HDAC9: variants seen among roughly 807,000 people sequenced by gnomAD.
HDAC9 encodes the protein histone deacetylase 9.
Under a neutral mutation model 139.4 loss-of-function variants are expected in HDAC9, and 41 were observed. The observed-to-expected ratio is 0.29, with a 90% CI of 0.23 to 0.38. The LOEUF (loss-of-function observed/expected upper bound fraction) is 0.38, where lower values mean the gene tolerates loss of function less well. HDAC9 is among the 10% of genes least tolerant of loss of function. The probability of loss-of-function intolerance (pLI) is 1.00; values close to 1 mark genes in which losing one functional copy is unlikely to be tolerated. For missense variants in HDAC9, 1,147 were observed against 1,297.0 expected (o/e 0.88, Z 1.78); for synonymous variants, 517 against 476.2 (o/e 1.09, Z -1.12).
intron 24 of HDAC9, among the ~76,000 whole-genome samples, chr7:18,965,697 G>A (rs1321477317): frequency 6.6e-6 from 1 of 152,158 alleles, no homozygotes; most frequent in Non-Finnish European, 1.5e-5. Flanking sequence ...GAGCTGCGAG[G>A]GAGCAGAGAA....
At chr7:18,487,999 A>G (rs1796096240) in intron 1 of HDAC9, among the ~76,000 whole-genome samples, 1 of 152,110 alleles carries the variant, frequency 6.6e-6, no homozygotes, top group African/African-American at 2.4e-5. Context: ...AAGTTGATAA[A>G]TATTAAATGT....
At chr7:18,200,375 A>G (rs1791030196) in intron 2 of HDAC9, among the ~76,000 whole-genome samples, 1 of 152,196 alleles carries the variant, frequency 6.6e-6, no homozygotes, top group Admixed American at 6.5e-5. Context: ...TTTTTTCAAT[A>G]TTCTATGAGT....
chr7:18,332,856 G>C (rs751451448), intron 1 of HDAC9, among the ~76,000 whole-genome samples: 1 of 151,542 alleles, frequency 6.6e-6, no homozygotes, highest in Non-Finnish European at 1.5e-5. Context: ...TGGAGAAGCA[G>C]AAACCTGGCT....
intron 2 of HDAC9, among the ~76,000 whole-genome samples, chr7:18,236,348 A>G (rs1054396660): frequency 2.0e-5 from 3 of 152,064 alleles, no homozygotes; most frequent in South Asian, 2.1e-4. Context: ...ATCCCCTCCA[A>G]CCCAGAAACC....
chr7:18,436,579 A>C (rs1040588429), intron 1 of HDAC9, among the ~76,000 whole-genome samples: 1 of 152,240 alleles, frequency 6.6e-6, no homozygotes, highest in East Asian at 1.9e-4. Flanking sequence ...TACAATAAAC[A>C]TTTAATTTAA....
intron 5 of HDAC9, 123 bp downstream of exon 5, chr7:18,591,765 T>G: frequency 7.7e-7 from 1 of 1,298,110 alleles, no homozygotes; most frequent in South Asian, 1.4e-5. Flanking sequence ...GCAAGTTCCT[T>G]CAGTTCTCTA....
rs560871570 is a variant in HDAC9 at position 18,882,878 on chromosome 7, G to A, written c.2803+8282G>A. 7.9e-5 allele frequency among the ~76,000 whole-genome samples: 12 copies of A among 152,184 alleles called. No homozygotes were observed. In the South Asian group the frequency reaches 2.5e-3, roughly 32 times the overall value. On this transcript the variant is annotated intron_variant, in intron 22 of 25. Transcript: ENST00000686413. ...TTCAGACTCCTGTTTGAAGAAAATG[G>A]AAGGAGGATGGGCAGACATCTTTGG...
In HDAC9 at chr7:18,932,042, A is replaced by T. The variant is rs572943046; in HGVS notation, c.2804-3767A>T. ...CTTATCAATCATAACAAATGTACCA[A>T]AATGATGCAAAATGTTAATATGGAA... On this transcript the variant is annotated intron_variant, in intron 22 of 25. Coordinates refer to ENST00000686413, the MANE Select transcript of HDAC9 (RefSeq NM_178425.4). Among the ~76,000 whole-genome samples the T allele has an allele frequency of 3.9e-5, 6 of 152,328 alleles. No homozygotes were observed. In the South Asian group the frequency reaches 1.2e-3, roughly 32 times the overall value.
chr7:18,738,768 G>A (rs528107763), intron 13 of HDAC9, among the ~76,000 whole-genome samples: 4 of 152,270 alleles, frequency 2.6e-5, no homozygotes, highest in Non-Finnish European at 5.9e-5. Context: ...GAATATCTTT[G>A]TGGTGTTCTC....
At chr7:18,644,107 T>C (rs10156052) in intron 8 of HDAC9, among the ~76,000 whole-genome samples, 45 of 152,246 alleles carry the variant, frequency 3.0e-4, no homozygotes, top group African/African-American at 8.4e-4. Context: ...ACATTTACTT[T>C]AGTTTCTGAA....
At chr7:18,514,435 C>T (rs1254442310) in intron 2 of HDAC9, among the ~76,000 whole-genome samples, 2 of 152,078 alleles carry the variant, frequency 1.3e-5, no homozygotes, top group East Asian at 3.8e-4. Flanking sequence ...TTTTCTAGGT[C>T]AATTTAAAAT....
intron 14 of HDAC9, among the ~76,000 whole-genome samples, chr7:18,753,992 T>C (rs1213420816): frequency 1.3e-5 from 2 of 152,092 alleles, no homozygotes; most frequent in Non-Finnish European, 2.9e-5. Flanking sequence ...GTTTGTAAGC[T>C]ATAGTGTAAA....
chr7:18,451,401 G>GTGTGTGCA (rs760861605), intron 1 of HDAC9, among the ~76,000 whole-genome samples: 10 of 135,212 alleles, frequency 7.4e-5, no homozygotes, highest in Admixed American at 5.0e-4. Context: ...GTGTGTGTGT[G>GTGTGTGCA]TATATATGTG....
intron 12 of HDAC9, among the ~76,000 whole-genome samples, chr7:18,692,413 T>G (rs1322221321): frequency 6.6e-6 from 1 of 152,114 alleles, no homozygotes; most frequent in Non-Finnish European, 1.5e-5. Context: ...AAAATGTTAC[T>G]TTTTTATGGA....
intron 2 of HDAC9, among the ~76,000 whole-genome samples, chr7:18,236,565 C>T (rs1395404307): frequency 6.6e-6 from 1 of 152,162 alleles, no homozygotes; most frequent in African/African-American, 2.4e-5. Context: ...AGTTACACAT[C>T]ATACACACCT....
chr7:18,640,005 A>T (rs773051870), intron 8 of HDAC9, among the ~76,000 whole-genome samples: 22 of 151,832 alleles, frequency 1.4e-4, no homozygotes, highest in Non-Finnish European at 2.1e-4. Context: ...GTATATATAT[A>T]TTTTTTCTTT....
At chr7:18,954,986 A>T (rs1309010570) in intron 24 of HDAC9, among the ~76,000 whole-genome samples, 1 of 152,086 alleles carries the variant, frequency 6.6e-6, no homozygotes, top group Non-Finnish European at 1.5e-5. Context: ...TTACCCATTT[A>T]TTTGATACTG....
intron 22 of HDAC9, among the ~76,000 whole-genome samples, chr7:18,877,087 T>G (rs972220078): frequency 4.6e-5 from 7 of 152,138 alleles, no homozygotes; most frequent in African/African-American, 1.2e-4. Context: ...ATGACAGACA[T>G]TGACTAGTTT....
chr7:18,473,215 C>T (rs1357322702), intron 1 of HDAC9, among the ~76,000 whole-genome samples: 1 of 152,214 alleles, frequency 6.6e-6, no homozygotes, highest in Admixed American at 6.5e-5. Context: ...GTTCTTTTGT[C>T]ACCCTTCTCA....
Sources: gnomAD v4.1 joint callset for allele counts (sites outside exome capture counted in the v4.1 genomes callset) on GRCh38, gnomAD v4.1.1 for gene constraint, MANE v1.5 for transcripts, NCBI Gene and HGNC (gene_info 2026-07-23, HGNC 2026-07-21) for gene names.